The following FRMPD2 variants were observed in gnomAD, a reference collection of about 807,000 sequenced individuals.
FRMPD2 encodes the protein FERM and PDZ domain containing 2.
Under a neutral mutation model 140.1 loss-of-function variants are expected in FRMPD2, and 96 were observed. That is an observed-to-expected ratio of 0.69 (90% CI 0.58 to 0.81). The LOEUF is 0.81. Ranked by LOEUF, FRMPD2 falls within the 40% of genes least tolerant of loss-of-function variation. The pLI, the probability that FRMPD2 is intolerant of heterozygous loss-of-function variation, is 0.00. For synonymous variants in FRMPD2, 449 were observed against 547.6 expected, an observed-to-expected ratio of 0.82 and a Z score of 2.52; for missense variants, 1,240 against 1,447.4, an observed-to-expected ratio of 0.86 and a Z score of 2.32.
At chr10:48,268,614 C>G (rs1840716792) in intron 1 of FRMPD2, among the ~76,000 whole-genome samples, 2 of 152,190 alleles carry the variant, frequency 1.3e-5, no homozygotes, top group African/African-American at 4.8e-5. Flanking sequence ...TTGATTAGAT[C>G]TCAAGGGCAT....
At position 48,260,177 on chromosome 10, in the gene FRMPD2, C is replaced by T. The variant is rs142365079; in HGVS notation, c.26-8486G>A. Among the ~76,000 whole-genome samples the T allele has an allele frequency of 1.9e-3, 291 of 150,948 alleles. 1 individual carries two copies. Among genetic ancestry groups the T allele is most frequent in the Middle Eastern group, 6.9e-3 (2 of 290 alleles). Reference sequence around the variant, plus strand: ...TAGATAGATTGATAGATAGATAGATCTATATATATATGTAGATAGATAGAT... The same window carrying T: ...TAGATAGATTGATAGATAGATAGATTTATATATATATGTAGATAGATAGAT... On this transcript the variant is annotated intron_variant, in intron 1 of 28. Coordinates refer to ENST00000374201, the MANE Select transcript of FRMPD2 (RefSeq NM_001018071.4).
chr10:48,205,995 T>C (rs952697920), intron 14 of FRMPD2, among the ~76,000 whole-genome samples: 3 of 152,166 alleles, frequency 2.0e-5, no homozygotes, highest in Non-Finnish European at 2.9e-5. Flanking sequence ...AAAAACATTT[T>C]TTCAGGGGCC....
intron 1 of FRMPD2, among the ~76,000 whole-genome samples, chr10:48,265,561 T>C (rs986086306): frequency 1.3e-5 from 2 of 152,088 alleles, no homozygotes; most frequent in Non-Finnish European, 2.9e-5. Flanking sequence ...GCAAAGGATA[T>C]GAACAGACAC....
intron 8 of FRMPD2, among the ~76,000 whole-genome samples, chr10:48,237,764 A>C (rs1840003331): frequency 6.6e-6 from 1 of 152,034 alleles, no homozygotes; most frequent in African/African-American, 2.4e-5. Flanking sequence ...CTTTAACCCT[A>C]CATCTTATAC....
chr10:48,267,462 A>G (rs1405070033), intron 1 of FRMPD2, among the ~76,000 whole-genome samples: 2 of 152,224 alleles, frequency 1.3e-5, no homozygotes, highest in South Asian at 2.1e-4. Context: ...AAATGACCCA[A>G]TCGGACAACA....
Position 48,222,446 on chromosome 10 carries a change from C to G in FRMPD2, c.1322G>C (p.Ser441Thr). The change falls in exon 12 of 29, where the codon AGC becomes ACC. Residue 441 changes from serine (S) to threonine (T), a missense_variant. Around this residue, in one of 6 missense-constraint regions of FRMPD2, gnomAD observed 1,161 missense variants for 1,055.9 expected, o/e 1.10. Coordinates refer to ENST00000374201, the MANE Select transcript of FRMPD2 (RefSeq NM_001018071.4). ...FVSHYGLLQH[S>T]LTRHQFYLQL... is the part of the protein sequence containing the mutation. ...CAGGTAAAACTGGTGCCTTGTCAGG[C>G]TGTGCCTGGAAAAGAAGTAGCAATA... 1 of 1,613,884 alleles carries G rather than the reference C, an allele frequency of 6.2e-7. No individual in the cohort carries two copies. Among genetic ancestry groups the G allele is most frequent in the East Asian group, 2.2e-5 (1 of 44,882 alleles).
intron 8 of FRMPD2, among the ~76,000 whole-genome samples, chr10:48,236,944 T>A (rs1839980527): frequency 1.3e-5 from 2 of 152,144 alleles, no homozygotes; most frequent in African/African-American, 4.8e-5. Context: ...AGCTGAAATG[T>A]TTTCTAGCTC....
intron 28 of FRMPD2, among the ~76,000 whole-genome samples, chr10:48,159,577 G>C (rs1157491635): frequency 6.6e-6 from 1 of 151,892 alleles, no homozygotes; most frequent in Non-Finnish European, 1.5e-5. Context: ...AGTTGAGTGA[G>C]ATCTCTGGCC....
At chr10:48,223,028 C>T in intron 11 of FRMPD2, 95 bp downstream of exon 11, 1 of 1,098,150 alleles carries the variant, frequency 9.1e-7, no homozygotes, top group Non-Finnish European at 1.3e-6. Context: ...ATGTAATTTA[C>T]AGTTTGCAAA....
At chr10:48,212,153 G>C in intron 12 of FRMPD2, 44 bp from the exon 13 acceptor site, 1 of 1,590,888 alleles carries the variant, frequency 6.3e-7, no homozygotes, top group South Asian at 1.1e-5. Flanking sequence ...CCAGACACTG[G>C]CCGGGGGACT....
intron 14 of FRMPD2, 71 bp downstream of exon 14, chr10:48,206,677 T>C (rs1413818532): frequency 3.8e-6 from 5 of 1,304,914 alleles, no homozygotes; most frequent in Non-Finnish European, 5.5e-6. Flanking sequence ...CATGACCCAC[T>C]GCTCCTTTAA....
intron 1 of FRMPD2, among the ~76,000 whole-genome samples, chr10:48,266,455 A>G (rs1228971615): frequency 6.6e-6 from 1 of 152,274 alleles, no homozygotes; most frequent in African/African-American, 2.4e-5. Flanking sequence ...ATTATAGGGT[A>G]TATTAATCAA....
At chr10:48,266,201 A>G (rs1049510015) in intron 1 of FRMPD2, among the ~76,000 whole-genome samples, 1 of 152,158 alleles carries the variant, frequency 6.6e-6, no homozygotes, top group Non-Finnish European at 1.5e-5. Flanking sequence ...AACAACAGAC[A>G]CTGGGTCCTA....
At chr10:48,211,134 G>T (rs1158540607) in intron 13 of FRMPD2, among the ~76,000 whole-genome samples, 2 of 152,254 alleles carry the variant, frequency 1.3e-5, no homozygotes, top group Non-Finnish European at 2.9e-5. Context: ...AAGACATGGG[G>T]CTTCCTGGGG....
At chr10:48,182,815 T>C (rs1254016822) in intron 20 of FRMPD2, among the ~76,000 whole-genome samples, 1 of 152,230 alleles carries the variant, frequency 6.6e-6, no homozygotes, top group Non-Finnish European at 1.5e-5. Flanking sequence ...TGTGATTTGG[T>C]CACCTGCATT....
intron 26 of FRMPD2, among the ~76,000 whole-genome samples, chr10:48,170,343 C>T (rs552272038): frequency 3.9e-4 from 60 of 152,168 alleles, no homozygotes; most frequent in African/African-American, 1.3e-3. Context: ...CTCATGCCAG[C>T]GAGTCCCCTC....
At chr10:48,159,179 C>T (rs1310721555) in intron 28 of FRMPD2, 4 of 456,274 alleles carry the variant, frequency 8.8e-6, no homozygotes, top group Middle Eastern at 3.3e-4. Flanking sequence ...CAGCTGGGAG[C>T]CCCAGGTCTC....
chr10:48,224,335 C>T (rs1814248123), intron 10 of FRMPD2, among the ~76,000 whole-genome samples: 1 of 152,220 alleles, frequency 6.6e-6, no homozygotes, highest in Non-Finnish European at 1.5e-5. Context: ...GTGCTCCACC[C>T]TTTCAGCCCA....
At chr10:48,181,884 T>TCACACACACACACACACACA (rs1342570630) in intron 20 of FRMPD2, among the ~76,000 whole-genome samples, 3 of 13,448 alleles carry the variant, frequency 2.2e-4, no homozygotes, top group Non-Finnish European at 4.5e-4. Flanking sequence ...TATATGGCTC[T>TCACACACACACACACACACA]CATACACACA....
Sources: allele counts gnomAD v4.1 joint callset (sites outside exome capture counted in the v4.1 genomes callset), GRCh38; gene constraint gnomAD v4.1.1; regional missense constraint gnomAD v4.1.1; transcripts MANE v1.5; gene names NCBI Gene and HGNC (gene_info 2026-07-23, HGNC 2026-07-21).